LGSN: variants seen among roughly 807,000 people sequenced by gnomAD.
The protein encoded by LGSN is lengsin, lens protein with glutamine synthetase domain.
In LGSN, 21 loss-of-function variants were observed where a neutral mutation model predicts 19.5. The observed-to-expected ratio is 1.07, with a 90% CI of 0.76 to 1.55. The LOEUF (loss-of-function observed/expected upper bound fraction) is 1.55. Ranked by LOEUF, LGSN falls within the 40% of genes most tolerant of loss-of-function variation. The probability of loss-of-function intolerance (pLI) is 0.00; values close to 1 mark genes in which losing one functional copy is unlikely to be tolerated. For synonymous variants in LGSN, 257 were observed against 215.6 expected, an observed-to-expected ratio of 1.19 and a Z score of -1.68; for missense variants, 673 against 608.5, an observed-to-expected ratio of 1.11 and a Z score of -1.12.
At chr6:63,454,773 C>T in the LGSN span, among the ~76,000 whole-genome samples, 10 of 125,848 alleles carry the variant, frequency 7.9e-5, no homozygotes, top group African/African-American at 2.3e-4. Context: ...CCTGGCCCTA[C>T]GTTTTCTTTT....
At chr6:63,411,185 A>G in the LGSN span, among the ~76,000 whole-genome samples, 1 of 152,176 alleles carries the variant, frequency 6.6e-6, no homozygotes, top group African/African-American at 2.4e-5. Flanking sequence ...TGTCCCAAAG[A>G]TCTCTTGGTC....
At chr6:63,440,779 A>G in the LGSN span, 1 of 157,370 alleles carries the variant, frequency 6.4e-6, no homozygotes, top group Non-Finnish European at 1.4e-5. Context: ...ACCAACGCAG[A>G]TAGCGAGGGC....
At chr6:63,383,593 A>G in the LGSN span, among the ~76,000 whole-genome samples, 2 of 152,154 alleles carry the variant, frequency 1.3e-5, no homozygotes, top group Non-Finnish European at 2.9e-5. Context: ...GACACAAAAC[A>G]GATTATAGAA....
At chr6:63,336,036 C>T in the LGSN span, among the ~76,000 whole-genome samples, 1 of 151,474 alleles carries the variant, frequency 6.6e-6, no homozygotes, top group African/African-American at 2.4e-5. Context: ...AAGTTGATCA[C>T]ATAGAGGTAA....
intron 1 of LGSN, among the ~76,000 whole-genome samples, chr6:63,304,383 G>A (rs1768299124): frequency 6.6e-6 from 1 of 152,184 alleles, no homozygotes; most frequent in African/African-American, 2.4e-5. Context: ...TGCAAAACCT[G>A]TGGCTGTGCA....
the LGSN span, chr6:63,395,693 G>A: frequency 2.6e-5 from 4 of 153,380 alleles, no homozygotes; most frequent in Non-Finnish European, 4.4e-5. Flanking sequence ...AGGACTTTGC[G>A]AGGCTGGGCT....
chr6:63,423,983 T>TAC, the LGSN span, among the ~76,000 whole-genome samples: 1 of 152,128 alleles, frequency 6.6e-6, no homozygotes, highest in African/African-American at 2.4e-5. Flanking sequence ...GAGGTTGCAG[T>TAC]GAGCCAAGAT....
chr6:63,412,509 A>AGAAAGAAAGAAG, the LGSN span, among the ~76,000 whole-genome samples: 89 of 116,942 alleles, frequency 7.6e-4, no homozygotes, highest in Non-Finnish European at 1.1e-3. Flanking sequence ...AAAGAAAGAA[A>AGAAAGAAAGAAG]GAAAGAAAGA....
chr6:63,445,904 C>T, the LGSN span, among the ~76,000 whole-genome samples: 1 of 152,122 alleles, frequency 6.6e-6, no homozygotes, highest in Non-Finnish European at 1.5e-5. Flanking sequence ...CGCCCCATGA[C>T]CTCTCCATCA....
At chr6:63,415,055 C>A in the LGSN span, among the ~76,000 whole-genome samples, 3 of 152,250 alleles carry the variant, frequency 2.0e-5, no homozygotes. Context: ...CAGTGGGACG[C>A]GCCTGTAATT....
the LGSN span, among the ~76,000 whole-genome samples, chr6:63,377,724 C>T: frequency 6.6e-6 from 1 of 151,546 alleles, no homozygotes; most frequent in Admixed American, 6.6e-5. Context: ...ACCAGCCTGG[C>T]CAACATGATG....
intron 1 of LGSN, among the ~76,000 whole-genome samples, chr6:63,296,660 C>T (rs994287586): frequency 1.3e-5 from 2 of 152,008 alleles, no homozygotes; most frequent in African/African-American, 4.8e-5. Context: ...AATTGGGTGA[C>T]ATAAACTTTA....
At chr6:63,361,266 G>T in the LGSN span, among the ~76,000 whole-genome samples, 1 of 152,216 alleles carries the variant, frequency 6.6e-6, no homozygotes, top group African/African-American at 2.4e-5. Flanking sequence ...GGAGTCTACA[G>T]ATGCAGGCAG....
At chr6:63,287,982 G>A (rs1447832233) in intron 2 of LGSN, among the ~76,000 whole-genome samples, 3 of 151,844 alleles carry the variant, frequency 2.0e-5, no homozygotes, top group Non-Finnish European at 2.9e-5. Context: ...TTGGGAGGCC[G>A]AGGCAGGTGG....
chr6:63,337,078 C>T, the LGSN span, among the ~76,000 whole-genome samples: 1 of 151,586 alleles, frequency 6.6e-6, no homozygotes, highest in African/African-American at 2.4e-5. Context: ...CACGCACCAC[C>T]ATGCCTGGCT....
At chr6:63,403,946 TTC>T in the LGSN span, among the ~76,000 whole-genome samples, 1,264 of 147,106 alleles carry the variant, frequency 8.6e-3, 11 homozygotes, top group Middle Eastern at 0.025. Flanking sequence ...GCCTCTCTCT[TTC>T]TCTCTCTCTC....
chr6:63,568,620 C>A, the LGSN span, among the ~76,000 whole-genome samples: 1 of 151,324 alleles, frequency 6.6e-6, no homozygotes, highest in Non-Finnish European at 1.5e-5. Flanking sequence ...CTCTGATAGA[C>A]TTGCTCGACA....
chr6:63,496,992 A>G, the LGSN span, among the ~76,000 whole-genome samples: 1 of 152,014 alleles, frequency 6.6e-6, no homozygotes, highest in Non-Finnish European at 1.5e-5. Flanking sequence ...CCTTGATTGA[A>G]ATATGTTTTT....
At chr6:63,449,573 C>T in the LGSN span, among the ~76,000 whole-genome samples, 1 of 151,096 alleles carries the variant, frequency 6.6e-6, no homozygotes, top group Non-Finnish European at 1.5e-5. Context: ...AAGAAATAAT[C>T]TGGGATAATG....
Sources: allele counts gnomAD v4.1 joint callset (sites outside exome capture counted in the v4.1 genomes callset), GRCh38; gene constraint gnomAD v4.1.1; transcripts MANE v1.5; gene names NCBI Gene and HGNC (gene_info 2026-07-23, HGNC 2026-07-21).